Variants in GRID2 observed in about 807,000 individuals in gnomAD.
The protein encoded by GRID2 is glutamate ionotropic receptor delta type subunit 2.
Under a neutral mutation model 114.8 loss-of-function variants are expected in GRID2, and 33 were observed. The observed-to-expected ratio is 0.29, with a 90% CI of 0.22 to 0.38. The LOEUF (loss-of-function observed/expected upper bound fraction) is 0.38, where lower values mean the gene tolerates loss of function less well. Among genes scored for constraint, GRID2 ranks in the 10% least tolerant of loss-of-function variants. GRID2 has a pLI of 1.00. For missense variants in GRID2, 1,184 were observed against 1,257.7 expected (o/e 0.94, Z 0.89); for synonymous variants, 505 against 449.9 (o/e 1.12, Z -1.55).
chr4:92,778,196 A>AT (rs1250330363), intron 2 of GRID2, among the ~76,000 whole-genome samples: 1 of 152,050 alleles, frequency 6.6e-6, no homozygotes. Flanking sequence ...TCAACACCTC[A>AT]AAGAGAAATA....
intron 2 of GRID2, among the ~76,000 whole-genome samples, chr4:92,602,195 C>A (rs1729245861): frequency 7.4e-6 from 1 of 135,580 alleles, no homozygotes; most frequent in Admixed American, 7.7e-5. Context: ...CAAAACTTGC[C>A]AGAGATTTAA....
intron 2 of GRID2, among the ~76,000 whole-genome samples, chr4:93,035,028 C>A (rs1409606456): frequency 6.6e-6 from 1 of 151,794 alleles, no homozygotes; most frequent in Non-Finnish European, 1.5e-5. Flanking sequence ...GAAAATATTT[C>A]TTCTCTCTGT....
chr4:93,242,597 T>C (rs1163960812), intron 8 of GRID2, among the ~76,000 whole-genome samples: 1 of 151,994 alleles, frequency 6.6e-6, no homozygotes, highest in African/African-American at 2.4e-5. Flanking sequence ...AGGAAGAGTA[T>C]AACAGAGACA....
intron 1 of GRID2, among the ~76,000 whole-genome samples, chr4:92,336,301 T>G (rs1211455294): frequency 1.3e-5 from 2 of 152,298 alleles, no homozygotes; most frequent in African/African-American, 2.4e-5. Context: ...CATCTAGCAG[T>G]TGGGAAAGCC....
At chr4:93,624,624 C>A (rs563768706) in intron 13 of GRID2, among the ~76,000 whole-genome samples, 1 of 152,132 alleles carries the variant, frequency 6.6e-6, no homozygotes, top group South Asian at 2.1e-4. Flanking sequence ...TATGTTGTCA[C>A]CCCAGTAACA....
In GRID2 at chr4:93,695,109, C is replaced by T. The variant is rs183817435; in HGVS notation, c.2360+68674C>T. Among the ~76,000 whole-genome samples the T allele has an allele frequency of 6.1e-3, 912 of 149,618 alleles. 11 individuals carry two copies. The highest frequency in any genetic ancestry group is 0.021 in the African/African-American group (869 of 40,528). ...CTGCTTGAACCCGGGAGGCGGAAGT[C>T]GCAGTGAGCCGAGATCGAGCCACTG... is the stretch of plus-strand genomic sequence containing the variant. On this transcript the variant is annotated intron_variant, in intron 14 of 15. Coordinates refer to ENST00000282020, the MANE Select transcript of GRID2 (RefSeq NM_001510.4).
chr4:93,324,410 G>C (rs1757599365), intron 8 of GRID2, among the ~76,000 whole-genome samples: 1 of 150,804 alleles, frequency 6.6e-6, no homozygotes, highest in Admixed American at 6.6e-5. Context: ...ACTTCATTGT[G>C]GTGGATATGC....
chr4:93,716,526 A>G (rs1728917175), intron 14 of GRID2, among the ~76,000 whole-genome samples: 1 of 152,134 alleles, frequency 6.6e-6, no homozygotes, highest in South Asian at 2.1e-4. Flanking sequence ...TAATAGTGGA[A>G]TCCACTTTAT....
At chr4:92,310,132 T>G (rs934310239) in intron 1 of GRID2, among the ~76,000 whole-genome samples, 1 of 152,022 alleles carries the variant, frequency 6.6e-6, no homozygotes, top group African/African-American at 2.4e-5. Flanking sequence ...CTTGCATAGT[T>G]GCACCTCCAC....
At chr4:92,468,097 C>G (rs1721847674) in intron 1 of GRID2, among the ~76,000 whole-genome samples, 1 of 151,890 alleles carries the variant, frequency 6.6e-6, no homozygotes, top group Non-Finnish European at 1.5e-5. Context: ...CTCATCCACC[C>G]AACATGAATG....
intron 14 of GRID2, among the ~76,000 whole-genome samples, chr4:93,706,223 A>T (rs1363463327): frequency 6.6e-6 from 1 of 152,206 alleles, no homozygotes; most frequent in Non-Finnish European, 1.5e-5. Flanking sequence ...GAAGAATATC[A>T]TTGGCATTTT....
chr4:92,483,110 T>G (rs1325463025), intron 1 of GRID2, among the ~76,000 whole-genome samples: 1 of 151,988 alleles, frequency 6.6e-6, no homozygotes, highest in African/African-American at 2.4e-5. Flanking sequence ...GAGGCTGAGG[T>G]GGGCGGATCA....
intron 1 of GRID2, among the ~76,000 whole-genome samples, chr4:92,520,614 C>T (rs893990198): frequency 2.0e-5 from 3 of 151,898 alleles, no homozygotes; most frequent in African/African-American, 4.8e-5. Context: ...TGCTAATAGG[C>T]GCCCTAAAGA....
chr4:93,476,499 G>A (rs953288225), intron 11 of GRID2, among the ~76,000 whole-genome samples: 1 of 151,948 alleles, frequency 6.6e-6, no homozygotes, highest in Non-Finnish European at 1.5e-5. Flanking sequence ...TGCTTTTTAC[G>A]ATACATTTAA....
At chr4:93,690,312 A>T (rs1220383995) in intron 14 of GRID2, among the ~76,000 whole-genome samples, 1 of 151,982 alleles carries the variant, frequency 6.6e-6, no homozygotes, top group East Asian at 1.9e-4. Context: ...GGTGTGGAGG[A>T]AGGGGCTTCT....
At position 93,067,387 on chromosome 4, in the gene GRID2, A is replaced by G. The variant is rs1728392706; in HGVS notation, c.245-17608A>G. Among the ~76,000 whole-genome samples, 5 of 152,032 alleles carry G rather than the reference A, an allele frequency of 3.3e-5. No individual in the cohort carries two copies. The South Asian group carries it at 8.3e-4, about 25-fold the overall frequency. ...TCTGGAGGCTGAGAAGTCCAACATC[A>G]AAGTGCCAGCAGATTTGGTGTCTTG... On this transcript the variant is annotated intron_variant, in intron 2 of 15. Coordinates refer to ENST00000282020, the MANE Select transcript of GRID2 (RefSeq NM_001510.4).
chr4:93,465,459 T>G (rs935505966), intron 11 of GRID2, among the ~76,000 whole-genome samples: 5 of 152,330 alleles, frequency 3.3e-5, no homozygotes, highest in Middle Eastern at 3.4e-3. Flanking sequence ...AATCCTGTTT[T>G]TTACCACTTA....
At chr4:92,750,996 G>T (rs150463252) in intron 2 of GRID2, among the ~76,000 whole-genome samples, 17 of 151,994 alleles carry the variant, frequency 1.1e-4, no homozygotes, top group Admixed American at 3.3e-4. Context: ...TAAGAAAATC[G>T]TATTTCACTA....
chr4:92,952,437 A>G (rs770554254), intron 2 of GRID2, among the ~76,000 whole-genome samples: 13 of 152,336 alleles, frequency 8.5e-5, no homozygotes, highest in Non-Finnish European at 1.3e-4. Context: ...TGATCAAAAC[A>G]TGAATGGTTT....
Sources: allele counts gnomAD v4.1 joint callset (sites outside exome capture counted in the v4.1 genomes callset), GRCh38; gene constraint gnomAD v4.1.1; transcripts MANE v1.5; gene names NCBI Gene and HGNC (gene_info 2026-07-23, HGNC 2026-07-21).